ULK4: variants seen among roughly 807,000 people sequenced by gnomAD.
The protein encoded by ULK4 is unc-51 like kinase 4.
Under a neutral mutation model 160.6 loss-of-function variants are expected in ULK4, and 133 were observed. The ratio of observed to expected loss-of-function variants is 0.83; its 90% CI spans 0.72 to 0.96. The LOEUF is 0.96. ULK4 is among the 40% of genes least tolerant of loss of function. The probability of loss-of-function intolerance (pLI) is 0.00; values close to 1 mark genes in which losing one functional copy is unlikely to be tolerated. For synonymous variants in ULK4, 534 were observed against 539.8 expected (o/e 0.99, Z 0.15); for missense variants, 1,580 against 1,499.5 (o/e 1.05, Z -0.89).
chr3:41,405,168 C>G (rs922465376), intron 34 of ULK4, among the ~76,000 whole-genome samples: 1 of 151,960 alleles, frequency 6.6e-6, no homozygotes, highest in African/African-American at 2.4e-5. Context: ...TCTATTTTTG[C>G]CATCTTTATG....
chr3:41,632,009 G>A (rs776002759), intron 30 of ULK4, among the ~76,000 whole-genome samples: 3 of 152,080 alleles, frequency 2.0e-5, no homozygotes, highest in Non-Finnish European at 4.4e-5. Flanking sequence ...GAACCTCGTC[G>A]CTCTGCAGCT....
In ULK4 at chr3:41,705,283, G is replaced by A; in HGVS notation, c.2657C>T (p.Ser886Leu). Reference protein sequence around the residue: ...TILSHIKSVDSGETNIDGAIG... With the variant: ...TILSHIKSVDLGETNIDGAIG... Reference sequence around the variant, plus strand: ...GGCTCCATCTATGTTCGTTTCTCCTGAGTCTACAGATTTAATATGACTCTG... The same window carrying A: ...GGCTCCATCTATGTTCGTTTCTCCTAAGTCTACAGATTTAATATGACTCTG... Residue 886 changes from serine (S) to leucine (L), a missense_variant, in exon 26 of 37, where the codon TCA becomes TTA. Coordinates refer to ENST00000301831, the MANE Select transcript of ULK4 (RefSeq NM_017886.4). 1 of 1,612,494 alleles carries A rather than the reference G, an allele frequency of 6.2e-7. No individual in the cohort carries two copies. The highest frequency in any genetic ancestry group is 8.5e-7 in the Non-Finnish European group (1 of 1,179,394).
chr3:41,376,134 C>A (rs2081487219), intron 35 of ULK4, among the ~76,000 whole-genome samples: 1 of 150,460 alleles, frequency 6.6e-6, no homozygotes, highest in African/African-American at 2.5e-5. Flanking sequence ...CAGAAAACAA[C>A]AGATGCTGGA....
chr3:41,588,224 A>T (rs2030979580), intron 31 of ULK4, among the ~76,000 whole-genome samples: 1 of 152,180 alleles, frequency 6.6e-6, no homozygotes, highest in Non-Finnish European at 1.5e-5. Context: ...AGATACATAG[A>T]TTATCTGACT....
chr3:41,466,871 A>C (rs1490207612), intron 32 of ULK4, among the ~76,000 whole-genome samples: 2 of 152,178 alleles, frequency 1.3e-5, no homozygotes, highest in Admixed American at 1.3e-4. Context: ...AAGTACAAAT[A>C]ATACAATTTT....
chr3:41,507,324 A>G (rs1413492504), intron 32 of ULK4, among the ~76,000 whole-genome samples: 2 of 152,150 alleles, frequency 1.3e-5, no homozygotes, highest in East Asian at 3.9e-4. Flanking sequence ...CTGTTAAATG[A>G]ATCTTACTAT....
chr3:41,534,148 T>C (rs142804420), intron 32 of ULK4, among the ~76,000 whole-genome samples: 7 of 152,314 alleles, frequency 4.6e-5, no homozygotes, highest in African/African-American at 1.7e-4. Context: ...ACAATCCTTA[T>C]AGTGATTTTC....
chr3:41,380,460 A>G (rs1367731487), intron 35 of ULK4, among the ~76,000 whole-genome samples: 1 of 152,186 alleles, frequency 6.6e-6, no homozygotes, highest in Non-Finnish European at 1.5e-5. Context: ...ATACCGTCAG[A>G]GTAAGACTGC....
chr3:41,824,163 T>TAAAAA (rs78604753), intron 18 of ULK4, among the ~76,000 whole-genome samples: 60 of 117,780 alleles, frequency 5.1e-4, no homozygotes, highest in African/African-American at 1.8e-3. Flanking sequence ...ACTCTATCTT[T>TAAAAA]AAAAAAAAAA....
At chr3:41,506,151 T>A (rs1202036753) in intron 32 of ULK4, among the ~76,000 whole-genome samples, 2 of 152,198 alleles carry the variant, frequency 1.3e-5, no homozygotes, top group African/African-American at 4.8e-5. Context: ...ACAAGGTACA[T>A]TAACACTTTT....
At chr3:41,827,758 C>CA (rs2041414521) in intron 18 of ULK4, among the ~76,000 whole-genome samples, 2 of 151,994 alleles carry the variant, frequency 1.3e-5, no homozygotes, top group Admixed American at 1.3e-4. Context: ...GAAACTATTC[C>CA]AATCAATAGA....
intron 34 of ULK4, among the ~76,000 whole-genome samples, chr3:41,418,627 A>G (rs900496067): frequency 6.6e-6 from 1 of 152,182 alleles, no homozygotes; most frequent in Non-Finnish European, 1.5e-5. Context: ...AGAAATGTGT[A>G]TGCTTTTAAT....
At chr3:41,901,448 G>A (rs1311907467) in intron 12 of ULK4, among the ~76,000 whole-genome samples, 4 of 137,200 alleles carry the variant, frequency 2.9e-5, no homozygotes, top group Non-Finnish European at 6.3e-5. Context: ...CCAAAGTGCT[G>A]GGATTACAGG....
chr3:41,926,670 T>G (rs1559654997), intron 5 of ULK4, among the ~76,000 whole-genome samples: 2 of 149,630 alleles, frequency 1.3e-5, no homozygotes, highest in Non-Finnish European at 2.9e-5. Context: ...CTGATGGAGC[T>G]GAAAAACACA....
At chr3:41,449,250 A>G (rs999460876) in intron 34 of ULK4, among the ~76,000 whole-genome samples, 43 of 152,054 alleles carry the variant, frequency 2.8e-4, no homozygotes, top group African/African-American at 9.6e-4. Flanking sequence ...TTTTTTAGAG[A>G]CCAGGTCTCA....
chr3:41,704,136 T>C (rs2036782639), intron 27 of ULK4, among the ~76,000 whole-genome samples: 1 of 152,168 alleles, frequency 6.6e-6, no homozygotes, highest in African/African-American at 2.4e-5. Flanking sequence ...TTGAAAAACA[T>C]TTTCACATCA....
intron 29 of ULK4, among the ~76,000 whole-genome samples, chr3:41,679,326 A>C (rs958428470): frequency 6.6e-6 from 1 of 152,224 alleles, no homozygotes; most frequent in African/African-American, 2.4e-5. Flanking sequence ...TTATCTTCTA[A>C]GGTAGGTACT....
chr3:41,494,385 C>A (rs1481139239), intron 32 of ULK4, among the ~76,000 whole-genome samples: 1 of 134,454 alleles, frequency 7.4e-6, no homozygotes, highest in South Asian at 2.6e-4. Flanking sequence ...AACAGCCCTT[C>A]ACGCTAAAAA....
intron 16 of ULK4, among the ~76,000 whole-genome samples, chr3:41,889,426 G>C (rs574197633): frequency 2.0e-5 from 3 of 152,072 alleles, no homozygotes; most frequent in African/African-American, 7.2e-5. Context: ...TAAAATGAGT[G>C]GGGATAAATA....
Sources: allele counts gnomAD v4.1 joint callset (sites outside exome capture counted in the v4.1 genomes callset), GRCh38; gene constraint gnomAD v4.1.1; transcripts MANE v1.5; gene names NCBI Gene and HGNC (gene_info 2026-07-23, HGNC 2026-07-21).